The following LAMC1 variants were observed in gnomAD, a reference collection of about 807,000 sequenced individuals.
LAMC1 encodes the protein laminin subunit gamma 1.
A neutral mutation model predicts 173.6 loss-of-function variants in LAMC1; 38 were observed. The ratio of observed to expected loss-of-function variants is 0.22; its 90% CI spans 0.17 to 0.29. The LOEUF (loss-of-function observed/expected upper bound fraction) is 0.29, where lower values mean the gene tolerates loss of function less well. Among genes scored for constraint, LAMC1 ranks in the 10% least tolerant of loss-of-function variants. The pLI is 1.00. For missense variants in LAMC1, 1,824 were observed against 2,051.8 expected, an observed-to-expected ratio of 0.89 and a Z score of 2.14; for synonymous variants, 746 against 749.1, an observed-to-expected ratio of 1.00 and a Z score of 0.07.
intron 1 of LAMC1, among the ~76,000 whole-genome samples, chr1:183,083,695 A>G (rs1370458067): frequency 6.6e-6 from 1 of 152,200 alleles, no homozygotes; most frequent in Non-Finnish European, 1.5e-5. Flanking sequence ...TATTTAAAAT[A>G]TTTATTCATT....
At chr1:183,109,393 C>T (rs1221249052) in intron 3 of LAMC1, among the ~76,000 whole-genome samples, 1 of 152,110 alleles carries the variant, frequency 6.6e-6, no homozygotes, top group Non-Finnish European at 1.5e-5. Context: ...TGACATTAAG[C>T]TGGTGGCAGC....
Position 183,114,559 on chromosome 1 carries a change from A to T in LAMC1, c.1050A>T (p.Glu350Asp). The change falls in exon 5 of 28, where the codon GAA (glutamate) becomes GAT (aspartate). Residue 350 changes from glutamate (E) to aspartate (D), a missense_variant. Glu to Asp is a conservative substitution (Grantham distance 45). Coordinates refer to ENST00000258341, the MANE Select transcript of LAMC1 (RefSeq NM_002293.4). Reference sequence around the variant, plus strand: ...GTGATTGCAATGGTCGATCCCAGGAATGCTACTTCGACCCTGAACTCTATC... The same window carrying T: ...GTGATTGCAATGGTCGATCCCAGGATTGCTACTTCGACCCTGAACTCTATC... ...LPCDCNGRSQECYFDPELYRS... is the reference protein window; with the variant it reads ...LPCDCNGRSQDCYFDPELYRS... 1 of 1,614,194 alleles carries T rather than the reference A, an allele frequency of 6.2e-7. No individual in the cohort carries two copies. Among genetic ancestry groups the T allele is most frequent in the Non-Finnish European group, 8.5e-7 (1 of 1,180,030 alleles).
rs2093984 is a variant in LAMC1, at chr1:183,125,179, T to C, written c.2648-218T>C. On this transcript the variant is annotated intron_variant, in intron 14 of 27. Transcript: ENST00000258341. The stretch of plus-strand genomic sequence containing the variant: ...AAAAATTGTTAATGAAATATATGTT[T>C]TTTCTCACGCTAAGCCTTCAAAATC... 0.56 allele frequency: 336,386 copies of C among 595,756 alleles called. 96,186 individuals are homozygous for C. The highest frequency in any genetic ancestry group is 0.65 in the South Asian group (30,427 of 46,832). The allele number at this position is 595,756 out of a possible 1,614,324, so 36.9% of individuals were successfully genotyped here. A position where few individuals can be genotyped will look rare whatever the true frequency, so the allele number is the denominator to read the frequency against.
chr1:183,136,631 T>G, intron 25 of LAMC1, 46 bp downstream of exon 25: 22 of 1,489,938 alleles, frequency 1.5e-5, no homozygotes, highest in Middle Eastern at 1.8e-4. Context: ...TATCTTTCTC[T>G]GGTCACTTTC....
chr1:183,103,563 C>T lies in LAMC1; in HGVS notation c.654C>T (p.Gly218=). Residue 218 remains glycine (G), a synonymous_variant, in exon 2 of 28, where the codon GGC becomes GGT. Transcript: ENST00000258341. ...EFSDISPLTG[G]NVAFSTLEGR... The stretch of plus-strand genomic sequence containing the variant: ...GTGACATTTCTCCCCTCACTGGGGG[C>T]AACGTGGCCTTTTCTACCCTGGAAG... 1 of 1,612,384 alleles carries T rather than the reference C, an allele frequency of 6.2e-7. No homozygotes were observed. The highest frequency in any genetic ancestry group is 1.1e-5 in the South Asian group (1 of 90,826).
chr1:183,096,629 C>G (rs1571437042), intron 1 of LAMC1: 1 of 152,146 alleles, frequency 6.6e-6, no homozygotes, highest in Admixed American at 6.6e-5. Context: ...TTGTAAGTTC[C>G]ATTGCATTTG....
chr1:183,125,630 A>T, intron 15 of LAMC1, 80 bp downstream of exon 15: 2 of 1,100,938 alleles, frequency 1.8e-6, no homozygotes, highest in Non-Finnish European at 2.6e-6. Context: ...TACATTTAAT[A>T]ATTGACTGTT....
intron 1 of LAMC1, among the ~76,000 whole-genome samples, chr1:183,098,102 A>T (rs1384737892): frequency 2.0e-5 from 3 of 152,176 alleles, no homozygotes; most frequent in Non-Finnish European, 4.4e-5. Context: ...CAGCATGTTG[A>T]TAATCTAGTA....
chr1:183,127,400 A>G lies in LAMC1; in HGVS notation c.3119A>G (p.Asp1040Gly). The G allele has an allele frequency of 2.5e-6, 4 of 1,613,956 alleles. No individual in the cohort carries two copies. Among genetic ancestry groups the G allele is most frequent in the Non-Finnish European group, 3.4e-6 (4 of 1,179,898 alleles). Reference sequence around the variant, plus strand: ...CCAGCTTGTTACCGGCTGGTAAAGGATAAGGTAAGCTGTCAATAGTGCATT... The same window carrying G: ...CCAGCTTGTTACCGGCTGGTAAAGGGTAAGGTAAGCTGTCAATAGTGCATT... ...ECPACYRLVK[D>G]KVADHRVKLQ... The change falls in exon 17 of 28, where the codon GAT becomes GGT. Residue 1040 changes from aspartate (D) to glycine (G), a missense_variant. Physicochemically the swap from Asp to Gly is moderately conservative, Grantham distance 94. Coordinates refer to ENST00000258341, the MANE Select transcript of LAMC1 (RefSeq NM_002293.4).
chr1:183,045,339 C>T (rs1363866027), intron 1 of LAMC1, among the ~76,000 whole-genome samples: 1 of 151,924 alleles, frequency 6.6e-6, no homozygotes, highest in Non-Finnish European at 1.5e-5. Flanking sequence ...TTTCCTCACC[C>T]CAGGTATCTA....
intron 6 of LAMC1, 70 bp downstream of exon 6, chr1:183,115,707 A>G: frequency 9.8e-7 from 1 of 1,023,272 alleles, no homozygotes; most frequent in Non-Finnish European, 1.6e-6. Flanking sequence ...AATAGATCTT[A>G]TGGCTTATTG....
intron 24 of LAMC1, among the ~76,000 whole-genome samples, chr1:183,135,739 A>G (rs1362365095): frequency 6.6e-6 from 1 of 151,852 alleles, no homozygotes; most frequent in Non-Finnish European, 1.5e-5. Context: ...TTTTTTTTTA[A>G]TTAGCCGGGC....
At chr1:183,127,014 G>A (rs949243692) in intron 16 of LAMC1, among the ~76,000 whole-genome samples, 8 of 152,110 alleles carry the variant, frequency 5.3e-5, no homozygotes, top group African/African-American at 1.9e-4. Context: ...AAGGTTGCAC[G>A]TTTTACTTTA....
chr1:183,058,961 T>C (rs751646691), intron 1 of LAMC1, among the ~76,000 whole-genome samples: 1 of 152,254 alleles, frequency 6.6e-6, no homozygotes, highest in South Asian at 2.1e-4. Context: ...TTTTATAACA[T>C]GTAAAATTTT....
At chr1:183,090,730 G>A (rs1032735658) in intron 1 of LAMC1, among the ~76,000 whole-genome samples, 1 of 152,046 alleles carries the variant, frequency 6.6e-6, no homozygotes, top group Non-Finnish European at 1.5e-5. Context: ...TTTTCCTGCT[G>A]TCCCAGCTAC....
rs111388231 is a variant in LAMC1, at chr1:183,110,614, G to A, written c.981G>A (p.Pro327=). The change falls in exon 4 of 28, where the codon CCG becomes CCA. Residue 327 remains proline, a synonymous_variant. Coordinates refer to ENST00000258341, the MANE Select transcript of LAMC1 (RefSeq NM_002293.4). ...EKCLPFFNDR[P]WRRATAESAS... is the part of the protein sequence containing the mutation. Reference sequence around the variant, plus strand: ...GTCTTCCTTTCTTCAATGACCGGCCGTGGAGGAGGGCAACTGCGGAAAGTG... The same window carrying A: ...GTCTTCCTTTCTTCAATGACCGGCCATGGAGGAGGGCAACTGCGGAAAGTG... 1.6e-4 allele frequency: 265 copies of A among 1,613,976 alleles called. No individual in the cohort carries two copies. The East Asian group carries it at 3.5e-3, about 21-fold the overall frequency.
chr1:183,139,348 T>G (rs1039690288), intron 26 of LAMC1, among the ~76,000 whole-genome samples: 1 of 152,192 alleles, frequency 6.6e-6, no homozygotes, highest in Admixed American at 6.5e-5. Context: ...TGTATTGTAT[T>G]TTTTAACCAG....
chr1:183,023,622 C>A lies in LAMC1; in HGVS notation c.-95C>A. ...GGAGTCAGGCCCCTGGGCCCCCAGGCTCAAGCAGCGAAGCGGCCTCCGGGG... is the reference window on the plus strand; with the variant it reads ...GGAGTCAGGCCCCTGGGCCCCCAGGATCAAGCAGCGAAGCGGCCTCCGGGG... On this transcript the variant is annotated 5_prime_UTR_variant, in exon 1 of 28. Transcript: ENST00000258341. 2 of 991,974 alleles carry A rather than the reference C, an allele frequency of 2.0e-6. No homozygotes were observed. Among genetic ancestry groups the A allele is most frequent in the Non-Finnish European group, 2.5e-6 (2 of 801,556 alleles). The allele number at this position is 991,974 out of a possible 1,614,324, so 61.4% of individuals were successfully genotyped here. A position where few individuals can be genotyped will look rare whatever the true frequency, so the allele number is the denominator to read the frequency against.
At chr1:183,071,269 G>A (rs895233685) in intron 1 of LAMC1, among the ~76,000 whole-genome samples, 1 of 152,112 alleles carries the variant, frequency 6.6e-6, no homozygotes, top group Non-Finnish European at 1.5e-5. Flanking sequence ...TTGTCTACAC[G>A]TGGGTGGAGG....
Sources: gnomAD v4.1 joint callset for allele counts (sites outside exome capture counted in the v4.1 genomes callset) on GRCh38, gnomAD v4.1.1 for gene constraint, MANE v1.5 for transcripts, NCBI Gene and HGNC (gene_info 2026-07-23, HGNC 2026-07-21) for gene names.